JAM3: variants seen among roughly 807,000 people sequenced by gnomAD.
JAM3 encodes the protein junctional adhesion molecule C.
JAM3 carries 31 observed loss-of-function variants against 39.4 expected under a neutral mutation model. The ratio of observed to expected loss-of-function variants is 0.79; its 90% CI spans 0.59 to 1.06. The LOEUF (loss-of-function observed/expected upper bound fraction) is 1.06. Ranked by LOEUF, JAM3 falls within the 50% of genes least tolerant of loss-of-function variation. JAM3 has a pLI of 0.00. For missense variants in JAM3, 455 were observed against 391.4 expected, an observed-to-expected ratio of 1.16 and a Z score of -1.37; for synonymous variants, 182 against 148.7, an observed-to-expected ratio of 1.22 and a Z score of -1.63.
rs751809152 is a variant in JAM3 at position 134,140,605 on chromosome 11, C to G, written c.143-52C>G. On this transcript the variant is annotated intron_variant, in intron 2 of 8. Coordinates refer to ENST00000299106, the MANE Select transcript of JAM3 (RefSeq NM_032801.5). ...CTTGCAGGGTCTGGGTGCAGCTGAACGTAGAAGCACTCCACATTCACCGAG... is the reference window on the plus strand; with the variant it reads ...CTTGCAGGGTCTGGGTGCAGCTGAAGGTAGAAGCACTCCACATTCACCGAG... 4 of 1,442,910 alleles carry G rather than the reference C, an allele frequency of 2.8e-6. No individual in the cohort carries two copies. The African/African-American group carries it at 4.2e-5, about 15-fold the overall frequency. The allele number at this position is 1,442,910 out of a possible 1,614,324, so 89.4% of individuals were successfully genotyped here.
At chr11:134,069,306 C>T (rs2120545320) in intron 1 of JAM3, 147 bp downstream of exon 1, 2 of 1,099,540 alleles carry the variant, frequency 1.8e-6, no homozygotes, top group East Asian at 2.9e-5. Context: ...GGGCGGCGCG[C>T]GCCCGCGTCC....
At chr11:134,121,575 A>G (rs1358382327) in intron 1 of JAM3, among the ~76,000 whole-genome samples, 2 of 152,066 alleles carry the variant, frequency 1.3e-5, no homozygotes, top group African/African-American at 2.4e-5. Flanking sequence ...TCATTCTGAC[A>G]TCTCTCTATG....
In JAM3 at chr11:134,112,520, C is replaced by T. The variant is rs576577807; in HGVS notation, c.77-27331C>T. On this transcript the variant is annotated intron_variant, in intron 1 of 8. Transcript: ENST00000299106. ...AATTATATATGCTGACACAGATATACTTAATTATGTACGATGACACACACA... is the reference window on the plus strand; with the variant it reads ...AATTATATATGCTGACACAGATATATTTAATTATGTACGATGACACACACA... Among the ~76,000 whole-genome samples the T allele has an allele frequency of 2.6e-5, 4 of 152,282 alleles. No homozygotes were observed. In the South Asian group the frequency reaches 8.3e-4, roughly 32 times the overall value.
intron 1 of JAM3, among the ~76,000 whole-genome samples, chr11:134,129,079 A>G (rs1942711193): frequency 6.7e-6 from 1 of 148,688 alleles, no homozygotes; most frequent in African/African-American, 2.5e-5. Flanking sequence ...TCCTCATATT[A>G]TCTTTCCCCT....
At chr11:134,125,453 CT>C (rs1942630588) in intron 1 of JAM3, among the ~76,000 whole-genome samples, 1 of 152,104 alleles carries the variant, frequency 6.6e-6, no homozygotes, top group Admixed American at 6.6e-5. Flanking sequence ...TTGTTGCTTT[CT>C]TTTTTAGTTC....
At chr11:134,120,224 G>C (rs1030374527) in intron 1 of JAM3, among the ~76,000 whole-genome samples, 30 of 152,326 alleles carry the variant, frequency 2.0e-4, no homozygotes, top group East Asian at 1.4e-3. Context: ...GAAAGCCTGC[G>C]CTGCCGTTGT....
chr11:134,119,312 A>T (rs1370010098), intron 1 of JAM3, among the ~76,000 whole-genome samples: 10 of 152,224 alleles, frequency 6.6e-5, no homozygotes, highest in Non-Finnish European at 1.3e-4. Flanking sequence ...ACCTGCTTTG[A>T]GGTCTTCCTG....
intron 3 of JAM3, among the ~76,000 whole-genome samples, chr11:134,143,585 C>T (rs1355900591): frequency 6.6e-6 from 1 of 152,134 alleles, no homozygotes; most frequent in Non-Finnish European, 1.5e-5. Context: ...AGTGTGAATT[C>T]TTTATTCTGG....
At chr11:134,137,532 G>A (rs533390416) in intron 1 of JAM3, among the ~76,000 whole-genome samples, 62 of 152,248 alleles carry the variant, frequency 4.1e-4, no homozygotes, top group Non-Finnish European at 6.5e-4. Context: ...TCAGGTCCTT[G>A]ATGGTCTTTG....
chr11:134,094,816 G>T (rs562419074), intron 1 of JAM3, among the ~76,000 whole-genome samples: 55 of 152,308 alleles, frequency 3.6e-4, no homozygotes, highest in African/African-American at 1.3e-3. Flanking sequence ...TGTATTATTA[G>T]AAGGCAGGGA....
At chr11:134,080,263 A>T (rs1012496465) in intron 1 of JAM3, among the ~76,000 whole-genome samples, 4 of 152,190 alleles carry the variant, frequency 2.6e-5, no homozygotes, top group Non-Finnish European at 4.4e-5. Flanking sequence ...TCAATCTTTT[A>T]TTTGCCAGAC....
intron 1 of JAM3, among the ~76,000 whole-genome samples, chr11:134,090,989 A>G (rs543715017): frequency 1.3e-5 from 2 of 152,322 alleles, no homozygotes; most frequent in East Asian, 3.9e-4. Context: ...TGTTAAGTAC[A>G]TTGTAAACTA....
intron 2 of JAM3, among the ~76,000 whole-genome samples, 171 bp downstream of exon 2, chr11:134,140,087 G>A (rs926069316): frequency 2.0e-5 from 3 of 152,222 alleles, no homozygotes; most frequent in South Asian, 4.1e-4. Flanking sequence ...CCGGCAGTGA[G>A]CCCTGTGCAG....
Position 134,139,907 on chromosome 11 carries a change from G to A in JAM3, c.133G>A (p.Glu45Lys). ...CAGCAATCGAACCCCAGTGGTACAG[G>A]AATTTGAAAGTAAGTACAAACGAAA... is the stretch of plus-strand genomic sequence containing the variant. ...KSSNRTPVVQ[E>K]FESVELSCII... The change falls in exon 2 of 9, where the codon GAA becomes AAA. Residue 45 changes from glutamate to lysine, a missense_variant. Transcript: ENST00000299106. 1 of 1,613,240 alleles carries A rather than the reference G, an allele frequency of 6.2e-7. No individual in the cohort carries two copies. The highest frequency in any genetic ancestry group is 8.5e-7 in the Non-Finnish European group (1 of 1,179,224).
chr11:134,133,217 C>G (rs1436250693), intron 1 of JAM3, among the ~76,000 whole-genome samples: 1 of 152,186 alleles, frequency 6.6e-6, no homozygotes, highest in African/African-American at 2.4e-5. Context: ...TTTTCTACAT[C>G]TAAGATCATG....
chr11:134,088,889 A>T (rs1225562272), intron 1 of JAM3, among the ~76,000 whole-genome samples: 2 of 152,306 alleles, frequency 1.3e-5, no homozygotes, highest in African/African-American at 4.8e-5. Flanking sequence ...TCCCAGGTTC[A>T]AGCGATTCTC....
chr11:134,117,201 A>G (rs1484396560), intron 1 of JAM3, among the ~76,000 whole-genome samples: 1 of 152,050 alleles, frequency 6.6e-6, no homozygotes, highest in African/African-American at 2.4e-5. Flanking sequence ...GTCTCTACTA[A>G]AAGTACAAAA....
At chr11:134,088,941 C>G (rs961061015) in intron 1 of JAM3, among the ~76,000 whole-genome samples, 1 of 152,136 alleles carries the variant, frequency 6.6e-6, no homozygotes, top group Admixed American at 6.5e-5. Context: ...AGGCACTTGC[C>G]ACCACGTTGG....
At chr11:134,116,193 T>A (rs1435428272) in intron 1 of JAM3, among the ~76,000 whole-genome samples, 1 of 152,046 alleles carries the variant, frequency 6.6e-6, no homozygotes, top group Non-Finnish European at 1.5e-5. Flanking sequence ...ACCATAATAA[T>A]TAATAAATAT....
Sources: allele counts gnomAD v4.1 joint callset (sites outside exome capture counted in the v4.1 genomes callset), GRCh38; gene constraint gnomAD v4.1.1; transcripts MANE v1.5; gene names NCBI Gene and HGNC (gene_info 2026-07-23, HGNC 2026-07-21).